The following BCAR3 variants were observed in gnomAD, a reference collection of about 807,000 sequenced individuals.
BCAR3 encodes breast cancer anti-estrogen resistance protein 3.
Under a neutral mutation model 80.1 loss-of-function variants are expected in BCAR3, and 37 were observed. The ratio of observed to expected loss-of-function variants is 0.46; its 90% CI spans 0.36 to 0.61. BCAR3 has a LOEUF of 0.61. Among genes scored for constraint, BCAR3 ranks in the 20% least tolerant of loss-of-function variants. The pLI, the probability that BCAR3 is intolerant of heterozygous loss-of-function variation, is 0.00. For missense variants in BCAR3, 978 were observed against 1,068.2 expected (o/e 0.92, Z 1.18); for synonymous variants, 389 against 418.9 (o/e 0.93, Z 0.87).
intron 2 of BCAR3, among the ~76,000 whole-genome samples, chr1:93,823,450 GC>G (rs1403154481): frequency 7.5e-6 from 1 of 133,720 alleles, no homozygotes; most frequent in African/African-American, 2.5e-5. Flanking sequence ...GGAGCTATCT[GC>G]CCTCTGCAAT....
chr1:93,841,232 C>T (rs534638827), intron 2 of BCAR3, among the ~76,000 whole-genome samples: 1 of 152,186 alleles, frequency 6.6e-6, no homozygotes, highest in Non-Finnish European at 1.5e-5. Flanking sequence ...TTAAGTCAAG[C>T]CCATTTCCTA....
intron 8 of BCAR3, among the ~76,000 whole-genome samples, chr1:93,575,477 G>A (rs922345748): frequency 2.6e-5 from 4 of 152,152 alleles, no homozygotes; most frequent in Non-Finnish European, 5.9e-5. Flanking sequence ...GAAGAGGGGA[G>A]GGATGCCTCG....
chr1:93,784,625 TTGA>T (rs1260926809), intron 2 of BCAR3, among the ~76,000 whole-genome samples: 1 of 152,234 alleles, frequency 6.6e-6, no homozygotes, highest in Non-Finnish European at 1.5e-5. Context: ...TCTAGTGGGC[TTGA>T]TGAAGACTGC....
intron 2 of BCAR3, among the ~76,000 whole-genome samples, chr1:93,706,816 A>G (rs1649841637): frequency 6.6e-6 from 1 of 152,242 alleles, no homozygotes; most frequent in Non-Finnish European, 1.5e-5. Flanking sequence ...CAGCCATTAT[A>G]ATTTCTATAG....
chr1:93,648,051 G>A (rs558500365), intron 2 of BCAR3, among the ~76,000 whole-genome samples: 25 of 152,280 alleles, frequency 1.6e-4, no homozygotes, highest in African/African-American at 6.0e-4. Context: ...TGGGATTACA[G>A]ATGTGAGCCA....
At chr1:93,611,354 A>C (rs1557859624) in intron 3 of BCAR3, among the ~76,000 whole-genome samples, 1 of 152,172 alleles carries the variant, frequency 6.6e-6, no homozygotes, top group Non-Finnish European at 1.5e-5. Context: ...CCCATTCTAC[A>C]TTCAACACGC....
At chr1:93,843,224 C>T (rs190618730) in intron 2 of BCAR3, among the ~76,000 whole-genome samples, 5 of 152,216 alleles carry the variant, frequency 3.3e-5, no homozygotes, top group African/African-American at 7.2e-5. Flanking sequence ...GTGTTCTGTT[C>T]GGTAACAGAA....
intron 2 of BCAR3, among the ~76,000 whole-genome samples, chr1:93,768,556 TAGG>T (rs1171255543): frequency 6.6e-6 from 1 of 152,100 alleles, no homozygotes; most frequent in African/African-American, 2.4e-5. Flanking sequence ...TCTTGGTAAC[TAGG>T]AGAACTTAAA....
intron 3 of BCAR3, among the ~76,000 whole-genome samples, chr1:93,593,083 G>A (rs574364359): frequency 2.6e-5 from 4 of 152,174 alleles, no homozygotes; most frequent in Non-Finnish European, 5.9e-5. Flanking sequence ...AGTGGTCTGC[G>A]GCGTTGCACA....
At chr1:93,846,047 A>G (rs2100859816) in intron 1 of BCAR3, among the ~76,000 whole-genome samples, 1 of 152,296 alleles carries the variant, frequency 6.6e-6, no homozygotes. Context: ...GGGCGTCCCT[A>G]CACGAGTTTT....
In BCAR3 at chr1:93,582,295, G is replaced by A. The variant is rs370510602; in HGVS notation, c.1686+6C>T. On this transcript the variant is annotated splice_donor_region_variant and intron_variant, in intron 7 of 11. Transcript: ENST00000260502. ...CCAGAGGAGCACCAGGACCCCCAGC[G>A]CTTACCCTGCAGTCCATGCTCAGTA... 12 of 1,609,538 alleles carry A rather than the reference G, an allele frequency of 7.5e-6. No individual in the cohort carries two copies. The highest frequency in any genetic ancestry group is 3.3e-5 in the South Asian group (3 of 90,760).
intron 3 of BCAR3, among the ~76,000 whole-genome samples, chr1:93,611,285 C>A (rs1199458570): frequency 6.6e-6 from 1 of 152,144 alleles, no homozygotes; most frequent in Non-Finnish European, 1.5e-5. Context: ...TTGCCCCACA[C>A]CTCCCACAAA....
At chr1:93,578,443 T>A (rs538943939) in intron 7 of BCAR3, among the ~76,000 whole-genome samples, 25 of 152,288 alleles carry the variant, frequency 1.6e-4, no homozygotes, top group African/African-American at 6.0e-4. Flanking sequence ...CCCATCTTCT[T>A]CCACCCACAC....
At chr1:93,690,479 G>A (rs1649150455) in intron 3 of BCAR3, among the ~76,000 whole-genome samples, 1 of 152,198 alleles carries the variant, frequency 6.6e-6, no homozygotes, top group Admixed American at 6.5e-5. Context: ...TCCTTGCCCA[G>A]GTCATATAGC....
intron 2 of BCAR3, among the ~76,000 whole-genome samples, chr1:93,803,205 C>T (rs1653548477): frequency 6.6e-6 from 1 of 152,044 alleles, no homozygotes; most frequent in African/African-American, 2.4e-5. Flanking sequence ...TAAGAATACC[C>T]AAGATTCAGG....
At chr1:93,739,071 G>A (rs762678897) in intron 2 of BCAR3, among the ~76,000 whole-genome samples, 4 of 152,132 alleles carry the variant, frequency 2.6e-5, no homozygotes, top group East Asian at 3.9e-4. Context: ...AATACTGAAC[G>A]TTTTTCGTCC....
chr1:93,724,325 C>T lies in BCAR3; in HGVS notation c.-62-18183G>A, dbSNP rs572722208. Among the ~76,000 whole-genome samples the T allele has an allele frequency of 2.0e-5, 3 of 152,320 alleles. 1 individual carries two copies. Among genetic ancestry groups the T allele is most frequent in the South Asian group, 4.1e-4 (2 of 4,832 alleles). On this transcript the variant is annotated intron_variant, in intron 2 of 13. Transcript: ENST00000370244. Reference sequence around the variant, plus strand: ...TTGTGAATGGACTTCCGAAAGGCTGCGTCCATTACTGGCCTGCAGTGCCTT... The same window carrying T: ...TTGTGAATGGACTTCCGAAAGGCTGTGTCCATTACTGGCCTGCAGTGCCTT...
At chr1:93,640,034 C>G (rs1039816944) in intron 3 of BCAR3, among the ~76,000 whole-genome samples, 1 of 152,110 alleles carries the variant, frequency 6.6e-6, no homozygotes, top group Non-Finnish European at 1.5e-5. Flanking sequence ...CATAGAACTA[C>G]TTTTCTCCAA....
intron 2 of BCAR3, among the ~76,000 whole-genome samples, chr1:93,769,376 TGTG>T (rs1652274338): frequency 6.7e-6 from 1 of 149,160 alleles, no homozygotes; most frequent in South Asian, 2.1e-4. Flanking sequence ...TGTGTGTGTG[TGTG>T]TGTGTGTGTG....
Sources: gnomAD v4.1 joint callset for allele counts (sites outside exome capture counted in the v4.1 genomes callset) on GRCh38, gnomAD v4.1.1 for gene constraint, MANE v1.5 for transcripts, NCBI Gene and HGNC (gene_info 2026-07-23, HGNC 2026-07-21) for gene names.